GABRG3: variants seen among roughly 807,000 people sequenced by gnomAD.
GABRG3 encodes gamma-aminobutyric acid receptor subunit gamma-3.
A neutral mutation model predicts 48.8 loss-of-function variants in GABRG3; 25 were observed. That is an observed-to-expected ratio of 0.51 (90% CI 0.37 to 0.72). The LOEUF (loss-of-function observed/expected upper bound fraction) is 0.72. GABRG3 is among the 30% of genes least tolerant of loss of function. The pLI is 0.00. For missense variants in GABRG3, 394 were observed against 577.9 expected (o/e 0.68, Z 3.26); for synonymous variants, 227 against 217.6 (o/e 1.04, Z -0.38).
chr15:27,414,905 T>C (rs1887897178), intron 5 of GABRG3, among the ~76,000 whole-genome samples: 1 of 152,238 alleles, frequency 6.6e-6, no homozygotes, highest in South Asian at 2.1e-4. Flanking sequence ...CTTTGGCTTC[T>C]TTCCAGATTT....
At chr15:27,012,178 G>T (rs920497059) in intron 2 of GABRG3, among the ~76,000 whole-genome samples, 3 of 152,036 alleles carry the variant, frequency 2.0e-5, no homozygotes, top group Admixed American at 6.6e-5. Flanking sequence ...TTTTTTGGGG[G>T]TACAGAATTA....
At chr15:27,229,349 G>A (rs982860673) in intron 3 of GABRG3, among the ~76,000 whole-genome samples, 2 of 152,014 alleles carry the variant, frequency 1.3e-5, no homozygotes, top group Non-Finnish European at 2.9e-5. Context: ...TTTCCCCATG[G>A]CTTGTTTTTT....
chr15:27,117,695 G>C (rs1229599977), intron 3 of GABRG3, among the ~76,000 whole-genome samples: 3 of 152,030 alleles, frequency 2.0e-5, no homozygotes, highest in Non-Finnish European at 4.4e-5. Flanking sequence ...CTGACCTCTG[G>C]AATGATTCAG....
intron 6 of GABRG3, among the ~76,000 whole-genome samples, chr15:27,491,724 G>A (rs1181520880): frequency 3.3e-5 from 5 of 152,122 alleles, no homozygotes; most frequent in African/African-American, 1.2e-4. Flanking sequence ...CCTCAAAGAA[G>A]TAATTACCAG....
At chr15:27,297,225 TAAAGTA>T (rs1892023405) in intron 3 of GABRG3, among the ~76,000 whole-genome samples, 1 of 152,188 alleles carries the variant, frequency 6.6e-6, no homozygotes, top group African/African-American at 2.4e-5. Context: ...AGAAAGTTTA[TAAAGTA>T]AAAGTGTTAC....
At chr15:27,124,754 A>G (rs976830347) in intron 3 of GABRG3, among the ~76,000 whole-genome samples, 1 of 152,160 alleles carries the variant, frequency 6.6e-6, no homozygotes, top group African/African-American at 2.4e-5. Context: ...CACCCCAGGC[A>G]CCAGCTTGTT....
At position 27,285,076 on chromosome 15, in the gene GABRG3, G is replaced by A. The variant is rs563886980; in HGVS notation, c.271-41733G>A. Among the ~76,000 whole-genome samples, 18 of 152,220 alleles carry A rather than the reference G, an allele frequency of 1.2e-4. No homozygotes were observed. In the South Asian group the frequency reaches 2.1e-3, roughly 18 times the overall value. The stretch of plus-strand genomic sequence containing the variant: ...CACTGGAGCCTAAGAACTATGGGTC[G>A]TAGTTGCCTTGGAGATTTTGTGATG... On this transcript the variant is annotated intron_variant, in intron 3 of 9. Transcript: ENST00000615808.
chr15:27,268,790 A>G (rs1413572309), intron 3 of GABRG3, among the ~76,000 whole-genome samples: 1 of 152,038 alleles, frequency 6.6e-6, no homozygotes, highest in Non-Finnish European at 1.5e-5. Context: ...ACTCTACCCA[A>G]CTTGGCCTTC....
At chr15:27,043,714 C>G (rs143122351) in intron 3 of GABRG3, among the ~76,000 whole-genome samples, 2,074 of 152,272 alleles carry the variant, frequency 0.014, 47 homozygotes, top group African/African-American at 0.048. Flanking sequence ...GAGTTAGTTA[C>G]CTATTGCTGT....
intron 5 of GABRG3, among the ~76,000 whole-genome samples, chr15:27,401,237 A>G (rs1887466595): frequency 6.6e-6 from 1 of 152,220 alleles, no homozygotes; most frequent in South Asian, 2.1e-4. Context: ...AGAGGCGCAT[A>G]TGTTACTGGA....
intron 3 of GABRG3, among the ~76,000 whole-genome samples, chr15:27,194,384 C>G (rs1414034807): frequency 2.0e-5 from 3 of 152,298 alleles, no homozygotes; most frequent in Non-Finnish European, 4.4e-5. Flanking sequence ...AAGTTCCAAA[C>G]CTTCCTTTAT....
intron 3 of GABRG3, among the ~76,000 whole-genome samples, chr15:27,227,684 A>G (rs1430827918): frequency 6.6e-6 from 1 of 151,984 alleles, no homozygotes; most frequent in Non-Finnish European, 1.5e-5. Context: ...CTCTATTTCT[A>G]AAGAAAAAAA....
chr15:27,308,707 C>G (rs114755788), intron 3 of GABRG3, among the ~76,000 whole-genome samples: 1 of 148,896 alleles, frequency 6.7e-6, no homozygotes, highest in Non-Finnish European at 1.5e-5. Flanking sequence ...TGTAAACATA[C>G]GTTTATATGT....
intron 6 of GABRG3, among the ~76,000 whole-genome samples, chr15:27,496,251 A>C (rs1325643395): frequency 6.6e-6 from 1 of 151,458 alleles, no homozygotes; most frequent in East Asian, 2.0e-4. Context: ...GGGGGATCAC[A>C]TTACAACAGA....
chr15:27,392,011 A>G (rs1887147314), intron 5 of GABRG3, among the ~76,000 whole-genome samples: 1 of 152,218 alleles, frequency 6.6e-6, no homozygotes, highest in Non-Finnish European at 1.5e-5. Context: ...TTGCTGTGAC[A>G]TATACCACTG....
At chr15:27,251,395 T>C (rs1595613790) in intron 3 of GABRG3, among the ~76,000 whole-genome samples, 1 of 152,138 alleles carries the variant, frequency 6.6e-6, no homozygotes, top group African/African-American at 2.4e-5. Context: ...TCAGATATCT[T>C]CTGCTCAGAG....
intron 5 of GABRG3, among the ~76,000 whole-genome samples, chr15:27,421,688 T>C (rs1265181594): frequency 3.3e-5 from 5 of 151,334 alleles, no homozygotes; most frequent in African/African-American, 1.2e-4. Context: ...GTGGGCTGCA[T>C]ATCCAACAAT....
chr15:27,342,042 T>TTAAATTAATCTTCC (rs1894198720), intron 5 of GABRG3, among the ~76,000 whole-genome samples: 2 of 152,102 alleles, frequency 1.3e-5, no homozygotes, highest in Non-Finnish European at 2.9e-5. Flanking sequence ...GGAAGAGGAG[T>TTAAATTAATCTTCC]AAATGCCAGC....
At chr15:27,217,981 T>C (rs1889319606) in intron 3 of GABRG3, among the ~76,000 whole-genome samples, 1 of 152,132 alleles carries the variant, frequency 6.6e-6, no homozygotes, top group Admixed American at 6.5e-5. Flanking sequence ...GTCTGTCGCC[T>C]TCAGAGGTGA....
Sources: gnomAD v4.1 joint callset for allele counts (sites outside exome capture counted in the v4.1 genomes callset) on GRCh38, gnomAD v4.1.1 for gene constraint, MANE v1.5 for transcripts, NCBI Gene and HGNC (gene_info 2026-07-23, HGNC 2026-07-21) for gene names.